Variants in MB21D2 observed in about 807,000 individuals in gnomAD.
MB21D2 encodes the protein nucleotidyltransferase MB21D2.
Under a neutral mutation model 33.3 loss-of-function variants are expected in MB21D2, and 9 were observed. The ratio of observed to expected loss-of-function variants is 0.27; its 90% CI spans 0.16 to 0.47. The LOEUF is 0.47. MB21D2 is among the 20% of genes least tolerant of loss of function. The probability of loss-of-function intolerance (pLI) is 0.99; values close to 1 mark genes in which losing one functional copy is unlikely to be tolerated. For synonymous variants in MB21D2, 241 were observed against 236.3 expected, an observed-to-expected ratio of 1.02 and a Z score of -0.18; for missense variants, 540 against 624.6, an observed-to-expected ratio of 0.86 and a Z score of 1.44.
At position 192,798,792 on chromosome 3, in the gene MB21D2, A is replaced by G; in HGVS notation, c.1070T>C (p.Phe357Ser). Residue 357 changes from phenylalanine (F) to serine (S), a missense_variant, in exon 2 of 2, where the codon TTT (phenylalanine) becomes TCT (serine). By Grantham distance (155) the Phe-to-Ser change is radical. Coordinates refer to ENST00000392452, the MANE Select transcript of MB21D2 (RefSeq NM_178496.4). This position sits in a 1 kb window ranked among gnomAD's most constrained non-coding sequence, Gnocchi z 4.8. Reference sequence around the variant, plus strand: ...CAGGTCATCGATGAGGCCCAGCAAAAAGTGGGCTGCATAGTCTTCTTGAGC... The same window carrying G: ...CAGGTCATCGATGAGGCCCAGCAAAGAGTGGGCTGCATAGTCTTCTTGAGC... ...YLAQEDYAAH[F>S]LLGLIDDLQH... 3 of 1,612,780 alleles carry G rather than the reference A, an allele frequency of 1.9e-6. No homozygotes were observed. The highest frequency in any genetic ancestry group is 2.5e-6 in the Non-Finnish European group (3 of 1,179,786).
At chr3:192,888,431 G>T (rs996945254) in intron 1 of MB21D2, among the ~76,000 whole-genome samples, 11 of 152,050 alleles carry the variant, frequency 7.2e-5, no homozygotes, top group Admixed American at 6.5e-4. Flanking sequence ...ATTAAAGCAC[G>T]CGCGCTCCTA....
chr3:192,831,598 T>C (rs1712316165), intron 1 of MB21D2, among the ~76,000 whole-genome samples: 1 of 152,220 alleles, frequency 6.6e-6, no homozygotes, highest in Non-Finnish European at 1.5e-5. Flanking sequence ...TGGCAGTTCA[T>C]CAAATCTTCA....
chr3:192,859,665 A>C (rs1712995595), intron 1 of MB21D2, among the ~76,000 whole-genome samples: 1 of 152,244 alleles, frequency 6.6e-6, no homozygotes, highest in African/African-American at 2.4e-5. Flanking sequence ...GTACTCAATA[A>C]AATGTCTTTT....
chr3:192,862,588 A>C (rs1261900272), intron 1 of MB21D2, among the ~76,000 whole-genome samples: 1 of 152,120 alleles, frequency 6.6e-6, no homozygotes, highest in Non-Finnish European at 1.5e-5. Flanking sequence ...GTGTCCTGCA[A>C]AACAGGTATG....
At chr3:192,903,780 C>T (rs534708456) in intron 1 of MB21D2, among the ~76,000 whole-genome samples, 1 of 152,350 alleles carries the variant, frequency 6.6e-6, no homozygotes, top group African/African-American at 2.4e-5. Flanking sequence ...GACAAGCAAG[C>T]TCTCACTCTG....
chr3:192,869,777 C>G (rs1459453535), intron 1 of MB21D2, among the ~76,000 whole-genome samples: 1 of 152,160 alleles, frequency 6.6e-6, no homozygotes, highest in African/African-American at 2.4e-5. Context: ...GCACAGGACA[C>G]AGCAACAAGC....
chr3:192,914,318 C>T (rs1464717209), intron 1 of MB21D2, among the ~76,000 whole-genome samples: 4 of 152,156 alleles, frequency 2.6e-5, no homozygotes, highest in African/African-American at 7.2e-5. Context: ...AAATGATTAA[C>T]TACCGTAAAA....
intron 1 of MB21D2, among the ~76,000 whole-genome samples, chr3:192,800,242 A>G (rs1711524650): frequency 1.3e-5 from 2 of 151,190 alleles, no homozygotes; most frequent in Non-Finnish European, 2.9e-5. Context: ...ATACTAACAC[A>G]CTGTTTGACT....
intron 1 of MB21D2, among the ~76,000 whole-genome samples, chr3:192,893,701 C>T (rs1713903174): frequency 6.6e-6 from 1 of 152,204 alleles, no homozygotes. Flanking sequence ...ACTTTTCTCC[C>T]TTTCGAAACC....
intron 1 of MB21D2, among the ~76,000 whole-genome samples, chr3:192,890,155 T>C (rs1476915194): frequency 2.0e-5 from 3 of 152,070 alleles, no homozygotes; most frequent in Admixed American, 6.5e-5. Flanking sequence ...TTGCAATAAA[T>C]AGTGGAGCAT....
intron 1 of MB21D2, among the ~76,000 whole-genome samples, chr3:192,843,040 C>T (rs1244985804): frequency 4.6e-5 from 7 of 152,130 alleles, no homozygotes; most frequent in African/African-American, 7.2e-5. Context: ...GCCCAGCTAG[C>T]TTAGAATGCA....
At position 192,799,762 on chromosome 3, in the gene MB21D2, C is replaced by A; in HGVS notation, c.212-112G>T. On this transcript the variant is annotated intron_variant, in intron 1 of 1. Coordinates refer to ENST00000392452, the MANE Select transcript of MB21D2 (RefSeq NM_178496.4). This position sits in a 1 kb window ranked among gnomAD's most constrained non-coding sequence, Gnocchi z 4.1. ...CAAGAACCAAAACTCATTATCAGTA[C>A]TAAATCAAATCTCAGGCTGCTGCAG... The A allele has an allele frequency of 8.5e-7, 1 of 1,173,778 alleles. No homozygotes were observed. The highest frequency in any genetic ancestry group is 1.6e-5 in the South Asian group (1 of 61,118). 72.7% of individuals were successfully genotyped at this position (1,173,778 alleles called of 1,614,324 possible).
intron 1 of MB21D2, among the ~76,000 whole-genome samples, chr3:192,869,258 A>C (rs1246514714): frequency 7.0e-6 from 1 of 143,012 alleles, no homozygotes; most frequent in African/African-American, 2.7e-5. Context: ...TCCATGTCAA[A>C]AAAAAAGAAA....
chr3:192,811,033 C>T (rs897467268), intron 1 of MB21D2, among the ~76,000 whole-genome samples: 1 of 152,134 alleles, frequency 6.6e-6, no homozygotes, highest in African/African-American at 2.4e-5. Context: ...AGTGACTCTG[C>T]CCCTCTGCCT....
chr3:192,871,570 C>T (rs1485727032), intron 1 of MB21D2, among the ~76,000 whole-genome samples: 3 of 152,114 alleles, frequency 2.0e-5, no homozygotes, highest in Admixed American at 6.5e-5. Context: ...AACCTAGCCT[C>T]GTTTGCAGAG....
At chr3:192,817,742 G>A (rs761510589) in intron 1 of MB21D2, among the ~76,000 whole-genome samples, 4 of 152,002 alleles carry the variant, frequency 2.6e-5, no homozygotes, top group Non-Finnish European at 5.9e-5. Flanking sequence ...CAATACCTCC[G>A]AACTACACTC....
At chr3:192,884,579 G>A (rs796974693) in intron 1 of MB21D2, among the ~76,000 whole-genome samples, 13 of 152,086 alleles carry the variant, frequency 8.5e-5, no homozygotes, top group African/African-American at 2.2e-4. Context: ...GTGTTAGCCA[G>A]GATGGTCTTG....
At chr3:192,815,571 A>G (rs1000069782) in intron 1 of MB21D2, among the ~76,000 whole-genome samples, 5 of 152,214 alleles carry the variant, frequency 3.3e-5, no homozygotes, top group Non-Finnish European at 7.3e-5. Context: ...TAGAGGAAGG[A>G]ATTTACTGTC....
intron 1 of MB21D2, among the ~76,000 whole-genome samples, chr3:192,869,326 A>G (rs6778683): frequency 9.6e-4 from 105 of 108,898 alleles, no homozygotes; most frequent in African/African-American, 2.6e-3. Context: ...AGGAGGGAAA[A>G]AGGGAAGGAG....
Sources: gnomAD v4.1 joint callset for allele counts (sites outside exome capture counted in the v4.1 genomes callset) on GRCh38, gnomAD v4.1.1 for gene constraint, Gnocchi (gnomAD v3.1) non-coding constraint, MANE v1.5 for transcripts, NCBI Gene and HGNC (gene_info 2026-07-23, HGNC 2026-07-21) for gene names.